CHN2: variants seen among roughly 807,000 people sequenced by gnomAD.
The protein encoded by CHN2 is beta-chimaerin.
In CHN2, 35 loss-of-function variants were observed where a neutral mutation model predicts 56.3. The observed-to-expected ratio is 0.62, with a 90% CI of 0.47 to 0.82. The LOEUF (loss-of-function observed/expected upper bound fraction) is 0.82, where lower values mean the gene tolerates loss of function less well. Ranked by LOEUF, CHN2 falls within the 40% of genes least tolerant of loss-of-function variation. The pLI is 0.00. For synonymous variants in CHN2, 210 were observed against 212.8 expected, an observed-to-expected ratio of 0.99 and a Z score of 0.12; for missense variants, 491 against 580.5, an observed-to-expected ratio of 0.85 and a Z score of 1.58.
intron 1 of CHN2, among the ~76,000 whole-genome samples, chr7:29,307,083 T>A (rs1794229198): frequency 6.6e-6 from 1 of 152,214 alleles, no homozygotes; most frequent in Non-Finnish European, 1.5e-5. Context: ...CTATCAGTGT[T>A]CGCTGATTCG....
chr7:29,427,656 C>CT (rs754677450), intron 6 of CHN2, among the ~76,000 whole-genome samples: 61,543 of 120,326 alleles, frequency 0.51, 16,499 homozygotes, highest in African/African-American at 0.55. Context: ...ATTTTTTATT[C>CT]TTTTTTTTTT....
intron 1 of CHN2, among the ~76,000 whole-genome samples, chr7:29,307,163 A>G (rs946590664): frequency 1.3e-5 from 2 of 152,208 alleles, no homozygotes; most frequent in Non-Finnish European, 2.9e-5. Flanking sequence ...TGTAAATCTA[A>G]TGGTTCCCAA....
intron 2 of CHN2, among the ~76,000 whole-genome samples, chr7:29,183,171 G>A (rs779426211): frequency 2.7e-5 from 4 of 147,876 alleles, no homozygotes; most frequent in South Asian, 2.1e-4. Context: ...TGTAACCTCC[G>A]CCTCCCAGGT....
chr7:29,290,829 A>G (rs181559947), intron 1 of CHN2, among the ~76,000 whole-genome samples: 6 of 152,188 alleles, frequency 3.9e-5, no homozygotes, highest in African/African-American at 1.4e-4. Flanking sequence ...TGAGAGACCA[A>G]TGCAAGTTTT....
intron 1 of CHN2, among the ~76,000 whole-genome samples, chr7:29,262,947 G>A (rs915524404): frequency 1.3e-5 from 2 of 152,106 alleles, no homozygotes; most frequent in African/African-American, 4.8e-5. Context: ...AATAAATCGT[G>A]AAGATGGTAA....
intron 6 of CHN2, among the ~76,000 whole-genome samples, chr7:29,434,921 A>T (rs1384076449): frequency 6.6e-6 from 1 of 151,924 alleles, no homozygotes; most frequent in African/African-American, 2.4e-5. Context: ...GCAAAACCCC[A>T]TCTCTACAAG....
chr7:29,218,184 A>G (rs10252028), intron 1 of CHN2, among the ~76,000 whole-genome samples: 21,905 of 81,664 alleles, frequency 0.27, 1,798 homozygotes, highest in Non-Finnish European at 0.31. Context: ...CCTCCCACCC[A>G]TCTCCCACCC....
intron 11 of CHN2, 131 bp downstream of exon 11, chr7:29,507,496 CA>C: frequency 1.5e-6 from 1 of 687,046 alleles, no homozygotes; most frequent in Non-Finnish European, 2.4e-6. Flanking sequence ...GAGGGCACAA[CA>C]ATAAATAGCT....
chr7:29,394,108 C>T (rs575265984), intron 4 of CHN2, among the ~76,000 whole-genome samples: 1 of 152,208 alleles, frequency 6.6e-6, no homozygotes, highest in South Asian at 2.1e-4. Flanking sequence ...TCGTGTACCT[C>T]GGTGCGGTGG....
exon 2 of CHN2, chr7:29,146,868 G>A: frequency 1.9e-6 from 3 of 1,551,172 alleles, no homozygotes; most frequent in South Asian, 1.2e-5. Context: ...GCAAGCCCAG[G>A]ATTTACATTT....
At chr7:29,208,558 G>A (rs546346573) in intron 1 of CHN2, among the ~76,000 whole-genome samples, 9 of 152,148 alleles carry the variant, frequency 5.9e-5, no homozygotes, top group South Asian at 2.1e-4. Flanking sequence ...TGGCCTCTGC[G>A]GTTCCCCTGA....
At chr7:29,328,815 A>G (rs1028931803) in intron 1 of CHN2, among the ~76,000 whole-genome samples, 16 of 152,188 alleles carry the variant, frequency 1.1e-4, no homozygotes, top group Non-Finnish European at 1.9e-4. Context: ...GCCTAAAATG[A>G]CAAGTCGAGA....
chr7:29,337,616 C>A (rs1562527815), intron 1 of CHN2, among the ~76,000 whole-genome samples: 1 of 152,228 alleles, frequency 6.6e-6, no homozygotes, highest in African/African-American at 2.4e-5. Flanking sequence ...ACCCAGGCTG[C>A]CACGGGGTGA....
At chr7:29,388,155 C>T (rs1801075258) in intron 3 of CHN2, among the ~76,000 whole-genome samples, 1 of 152,142 alleles carries the variant, frequency 6.6e-6, no homozygotes, top group African/African-American at 2.4e-5. Flanking sequence ...CTGCGCTATA[C>T]ATTTTTTAGG....
At chr7:29,217,393 A>C (rs1331970486) in intron 1 of CHN2, among the ~76,000 whole-genome samples, 1 of 152,206 alleles carries the variant, frequency 6.6e-6, no homozygotes, top group African/African-American at 2.4e-5. Context: ...GCTCTTTATC[A>C]GTCTTTCAGT....
At chr7:29,159,615 T>C (rs1260473527) in intron 2 of CHN2, among the ~76,000 whole-genome samples, 1 of 152,154 alleles carries the variant, frequency 6.6e-6, no homozygotes, top group East Asian at 1.9e-4. Flanking sequence ...TGCCTCCTCC[T>C]TCCCCGCTTC....
chr7:29,159,708 A>G (rs1794920056), intron 2 of CHN2, among the ~76,000 whole-genome samples: 1 of 152,082 alleles, frequency 6.6e-6, no homozygotes, highest in Non-Finnish European at 1.5e-5. Context: ...CACAGCACAC[A>G]TCCTGGGATT....
chr7:29,383,413 T>C (rs924332842), intron 3 of CHN2, among the ~76,000 whole-genome samples: 1 of 152,128 alleles, frequency 6.6e-6, no homozygotes, highest in African/African-American at 2.4e-5. Context: ...GAATACAACC[T>C]TCCTCTGCCT....
chr7:29,402,595 A>G (rs1475377019), intron 6 of CHN2, among the ~76,000 whole-genome samples: 6 of 152,224 alleles, frequency 3.9e-5, no homozygotes, highest in Non-Finnish European at 8.8e-5. Context: ...TCTCTGAAGC[A>G]GTGTTTATAT....
Sources: gnomAD v4.1 joint callset for allele counts (sites outside exome capture counted in the v4.1 genomes callset) on GRCh38, gnomAD v4.1.1 for gene constraint, MANE v1.5 for transcripts, NCBI Gene and HGNC (gene_info 2026-07-23, HGNC 2026-07-21) for gene names.